The following PCTP variants were observed in gnomAD, a reference collection of about 807,000 sequenced individuals.
PCTP encodes phosphatidylcholine transfer protein.
PCTP carries 27 observed loss-of-function variants against 31.0 expected under a neutral mutation model. The ratio of observed to expected loss-of-function variants is 0.87; its 90% CI spans 0.64 to 1.20. The LOEUF (loss-of-function observed/expected upper bound fraction) is 1.20. PCTP is among the 50% of genes most tolerant of loss of function. The pLI is 0.00. For synonymous variants in PCTP, 108 were observed against 101.2 expected (o/e 1.07, Z -0.40); for missense variants, 287 against 268.2 (o/e 1.07, Z -0.49).
Position 55,773,750 on chromosome 17 carries a change from C to G in PCTP, c.366C>G (p.Asp122Glu), listed in dbSNP as rs766517890. The G allele has an allele frequency of 6.2e-7, 1 of 1,613,720 alleles. No individual in the cohort carries two copies. Among genetic ancestry groups the G allele is most frequent in the South Asian group, 1.1e-5 (1 of 91,034 alleles). Reference protein sequence around the residue: ...RDYVYLRQRRDLDMEGRKIHV... With the variant: ...RDYVYLRQRRELDMEGRKIHV... ...ATGTCTACCTTCGGCAGCGGCGAGACCTGGACATGGAAGGGAGGAAGATCC... is the reference window on the plus strand; with the variant it reads ...ATGTCTACCTTCGGCAGCGGCGAGAGCTGGACATGGAAGGGAGGAAGATCC... The change falls in exon 4 of 6, where the codon GAC (aspartate) becomes GAG (glutamate). Residue 122 changes from aspartate (D) to glutamate (E), a missense_variant. Transcript: ENST00000268896.
rs192690527 is a variant in PCTP at position 55,752,877 on chromosome 17, A to G, written c.141+1633A>G. On this transcript the variant is annotated intron_variant, in intron 1 of 5. Coordinates refer to ENST00000268896, the MANE Select transcript of PCTP (RefSeq NM_021213.4). ...TAACTTTAAAAGGTACCTTAGTTTG[A>G]AAATTGATACATTTTCAGAAAAAGT... 2.3e-4 allele frequency among the ~76,000 whole-genome samples: 35 copies of G among 152,328 alleles called. 1 individual carries two copies. Among genetic ancestry groups the G allele is most frequent in the Non-Finnish European group, 8.8e-5 (6 of 68,040 alleles).
chr17:55,766,819 T>A (rs1910688972), intron 1 of PCTP, among the ~76,000 whole-genome samples: 1 of 151,818 alleles, frequency 6.6e-6, no homozygotes, highest in African/African-American at 2.4e-5. Context: ...TAGTTCTAGA[T>A]CCCTGAGGAA....
chr17:55,838,632 T>C (rs773964106), intron 5 of PCTP, among the ~76,000 whole-genome samples: 2 of 152,202 alleles, frequency 1.3e-5, no homozygotes, highest in South Asian at 4.1e-4. Flanking sequence ...TCCATGATAT[T>C]TATTGAATGA....
At chr17:55,818,250 A>G (rs932344390) in intron 3 of PCTP, among the ~76,000 whole-genome samples, 1 of 152,122 alleles carries the variant, frequency 6.6e-6, no homozygotes, top group Non-Finnish European at 1.5e-5. Flanking sequence ...GTAGGCATGT[A>G]TTTTTTGAAA....
intron 5 of PCTP, among the ~76,000 whole-genome samples, chr17:55,836,915 T>C (rs1404180794): frequency 6.6e-6 from 1 of 152,162 alleles, no homozygotes; most frequent in Admixed American, 6.6e-5. Context: ...GGAATGTACA[T>C]CAAGGGGATC....
chr17:55,751,658 A>G (rs1191037455), intron 1 of PCTP, among the ~76,000 whole-genome samples: 1 of 151,978 alleles, frequency 6.6e-6, no homozygotes, highest in East Asian at 1.9e-4. Flanking sequence ...TATAGGAGGA[A>G]AAGAAACAGA....
At position 55,810,436 on chromosome 17, in the gene PCTP, G is replaced by C. The variant is rs17758525; in HGVS notation, c.318-12325G>C. 3.9e-3 allele frequency among the ~76,000 whole-genome samples: 601 copies of C among 152,310 alleles called. 6 individuals carry two copies. Among genetic ancestry groups the C allele is most frequent in the South Asian group, 0.023 (113 of 4,822 alleles). Reference sequence around the variant, plus strand: ...AATATCCACCTACCTATAAAATCTAGAGCCCGGGCTTTCCCATCTACTGAG... The same window carrying C: ...AATATCCACCTACCTATAAAATCTACAGCCCGGGCTTTCCCATCTACTGAG... On this transcript the variant is annotated intron_variant, in intron 3 of 3. Coordinates refer to the PCTP transcript ENST00000572536.
chr17:55,832,466 AC>A (rs1455031492), intron 5 of PCTP, among the ~76,000 whole-genome samples: 1 of 152,132 alleles, frequency 6.6e-6, no homozygotes, highest in East Asian at 1.9e-4. Flanking sequence ...CTCTCCTTTC[AC>A]CTCTACTCCC....
chr17:55,776,139 C>G lies in PCTP; in HGVS notation c.*39C>G. The G allele has an allele frequency of 6.2e-7, 1 of 1,610,634 alleles. No individual in the cohort carries two copies. Among genetic ancestry groups the G allele is most frequent in the East Asian group, 2.2e-5 (1 of 44,728 alleles). On this transcript the variant is annotated 3_prime_UTR_variant, in exon 6 of 6. Transcript: ENST00000268896. ...GAACATTGCATCCATGGGTTGATGT[C>G]TCTGGAAGTGCAACCACCCAATGTC...
chr17:55,833,381 C>T (rs1265388255), intron 5 of PCTP, among the ~76,000 whole-genome samples: 1 of 152,192 alleles, frequency 6.6e-6, no homozygotes, highest in Non-Finnish European at 1.5e-5. Context: ...ATTATGCCTT[C>T]TACATACTTC....
intron 3 of PCTP, among the ~76,000 whole-genome samples, chr17:55,817,886 G>A (rs952558373): frequency 6.6e-6 from 1 of 152,150 alleles, no homozygotes; most frequent in Non-Finnish European, 1.5e-5. Flanking sequence ...AACACACTAT[G>A]AGCCAGGAAC....
At chr17:55,845,509 G>A (rs1183141166), downstream of PCTP, among the ~76,000 whole-genome samples, 1 of 152,206 alleles carries the variant, frequency 6.6e-6, no homozygotes, top group Non-Finnish European at 1.5e-5. Context: ...TGGTCCTGCC[G>A]AAGAGGGCCG....
chr17:55,788,843 T>G lies in PCTP; in HGVS notation c.317+1189T>G, dbSNP rs17820289. Among the ~76,000 whole-genome samples, 401 of 152,278 alleles carry G rather than the reference T, an allele frequency of 2.6e-3. 1 individual carries two copies. The highest frequency in any genetic ancestry group is 4.8e-3 in the Non-Finnish European group (329 of 68,006). ...TAGTCCTCAGCTATGCAATGGTACTTGTCTTTCTTTTAAACTCTTTGGATT... is the reference window on the plus strand; with the variant it reads ...TAGTCCTCAGCTATGCAATGGTACTGGTCTTTCTTTTAAACTCTTTGGATT... On this transcript the variant is annotated intron_variant, in intron 3 of 3. Coordinates refer to the PCTP transcript ENST00000572536.
chr17:55,833,325 C>CTCCAAAAT (rs1905668802), intron 5 of PCTP, among the ~76,000 whole-genome samples: 1 of 152,178 alleles, frequency 6.6e-6, no homozygotes, highest in South Asian at 2.1e-4. Context: ...AACAAGTAAC[C>CTCCAAAAT]TCCAAAATTT....
chr17:55,813,925 C>T (rs1014578225), intron 3 of PCTP, among the ~76,000 whole-genome samples: 3 of 151,948 alleles, frequency 2.0e-5, no homozygotes, highest in African/African-American at 7.3e-5. Context: ...GCCTGTGGTT[C>T]CAGCTACTCA....
chr17:55,850,428 C>T, the PCTP span, among the ~76,000 whole-genome samples: 2 of 152,146 alleles, frequency 1.3e-5, no homozygotes, highest in South Asian at 4.1e-4. Context: ...ATGATATGTA[C>T]TTTGCTTAAA....
intron 3 of PCTP, among the ~76,000 whole-genome samples, chr17:55,790,083 G>A (rs1164144287): frequency 2.0e-5 from 3 of 152,128 alleles, no homozygotes; most frequent in Non-Finnish European, 4.4e-5. Flanking sequence ...TGCAGAAAAG[G>A]CCTTGGACAA....
chr17:55,767,564 A>C, intron 2 of PCTP, 112 bp downstream of exon 2: 1 of 633,036 alleles, frequency 1.6e-6, no homozygotes, highest in Non-Finnish European at 2.6e-6. Flanking sequence ...TCCTGGGTTC[A>C]AGCGATTCTC....
chr17:55,775,752 C>CT (rs1191385834), intron 5 of PCTP: 2 of 1,257,608 alleles, frequency 1.6e-6, no homozygotes. Context: ...CTTGTGTTTT[C>CT]TTTTTTCCAG....
Sources: allele counts gnomAD v4.1 joint callset (sites outside exome capture counted in the v4.1 genomes callset), GRCh38; gene constraint gnomAD v4.1.1; transcripts MANE v1.5; gene names NCBI Gene and HGNC (gene_info 2026-07-23, HGNC 2026-07-21).